Variants in HOXA7 observed in about 807,000 individuals in gnomAD.
HOXA7 encodes homeobox A7.
A neutral mutation model predicts 16.8 loss-of-function variants in HOXA7; 16 were observed. The ratio of observed to expected loss-of-function variants is 0.95; its 90% CI spans 0.64 to 1.44. The LOEUF (loss-of-function observed/expected upper bound fraction) is 1.44, where lower values mean the gene tolerates loss of function less well. Among genes scored for constraint, HOXA7 ranks in the 40% most tolerant of loss-of-function variants. The pLI is 0.00. For missense variants in HOXA7, 379 were observed against 328.6 expected (o/e 1.15, Z -1.19); for synonymous variants, 169 against 144.3 (o/e 1.17, Z -1.23).
Position 27,154,654 on chromosome 7 carries a change from GT to G in HOXA7, c.*254del. ...GGCCGGCTGGCCTGGGGTTGGGGGTGTCTTTTGGGGTCCTCGGAGGCAGAGG... is the reference window on the plus strand; with the variant it reads ...GGCCGGCTGGCCTGGGGTTGGGGGTGCTTTTGGGGTCCTCGGAGGCAGAGG... On this transcript the variant is annotated 3_prime_UTR_variant, in exon 2 of 2. Transcript: ENST00000242159. 1.8e-6 allele frequency: 1 copy of G among 544,460 alleles called. No homozygotes were observed. The highest frequency in any genetic ancestry group is 2.6e-5 in the South Asian group (1 of 38,790). The allele number at this position is 544,460 out of a possible 1,614,324, so 33.7% of individuals were successfully genotyped here.
chr7:27,155,366 TAGGGGAGG>T, intron 1 of HOXA7, 144 bp from the exon 2 acceptor site: 3 of 750,504 alleles, frequency 4.0e-6, no homozygotes, highest in Non-Finnish European at 6.6e-6. Context: ...CGAACTGAGC[TAGGGGAGG>T]AGGGGGAGTG....
rs1450063802 is a variant in HOXA7 at position 27,154,790 on chromosome 7, T to C, written c.*119A>G. Reference sequence around the variant, plus strand: ...GGTTGGGGACTGGGTTGCTTTTTTGTTTTTGTTTTTGTTTTTTACATTTTC... The same window carrying C: ...GGTTGGGGACTGGGTTGCTTTTTTGCTTTTGTTTTTGTTTTTTACATTTTC... On this transcript the variant is annotated 3_prime_UTR_variant, in exon 2 of 2. Coordinates refer to ENST00000242159, the MANE Select transcript of HOXA7 (RefSeq NM_006896.4). 6.4e-6 allele frequency: 9 copies of C among 1,415,464 alleles called. No homozygotes were observed. The highest frequency in any genetic ancestry group is 1.5e-5 in the African/African-American group (1 of 68,926). 87.7% of individuals were successfully genotyped at this position (1,415,464 alleles called of 1,614,324 possible).
Position 27,155,022 on chromosome 7 carries a change from G to C in HOXA7, c.580C>G (p.Pro194Ala), listed in dbSNP as rs1783080273. 1.1e-5 allele frequency: 18 copies of C among 1,614,076 alleles called. No individual in the cohort carries two copies. The highest frequency in any genetic ancestry group is 1.5e-5 in the Non-Finnish European group (18 of 1,180,028). The part of the protein sequence containing the change: ...KWKKEHKDEG[P>A]TAAAAPEGAV... ...CCCTCGGGAGCTGCGGCGGCAGTCG[G>C]ACCTTCGTCCTTATGCTCTTTCTTC... The change falls in exon 2 of 2, where the codon CCG becomes GCG. Residue 194 changes from proline to alanine, a missense_variant. Transcript: ENST00000242159.
chr7:27,156,605 G>A lies in HOXA7; in HGVS notation c.-60C>T, dbSNP rs917821368. The stretch of plus-strand genomic sequence containing the variant: ...CAGTGTCGGTTTTACGAGGTAGAGT[G>A]ATATATGATAACATTACACCCCCAG... On this transcript the variant is annotated 5_prime_UTR_variant, in exon 1 of 2. Transcript: ENST00000242159. 6.7e-6 allele frequency: 10 copies of A among 1,502,150 alleles called. No individual in the cohort carries two copies. In the African/African-American group the frequency reaches 1.4e-4, roughly 21 times the overall value. 93.1% of individuals were successfully genotyped at this position (1,502,150 alleles called of 1,614,324 possible). A position where few individuals can be genotyped will look rare whatever the true frequency, so the allele number is the denominator to read the frequency against.
rs767070687 is a variant in HOXA7, at chr7:27,156,512, TA to T, written c.33del (p.Phe11LeufsTer145). ...AGAGAAGCCCCCGCCGTATATTTGC[TA>T]AAAAGCGCGTTCACATAATACGAAG... is the stretch of plus-strand genomic sequence containing the variant. MSSSYYVNALFSKYTAGASLF... is the reference protein window; with the variant it reads MSSSYYVNALXSKYTAGASLF... On this transcript the variant is annotated frameshift_variant, in exon 1 of 2. Transcript: ENST00000242159. LOFTEE classifies it high-confidence loss of function. 6.3e-7 allele frequency: 1 copy of T among 1,586,282 alleles called. No homozygotes were observed. Among genetic ancestry groups the T allele is most frequent in the Non-Finnish European group, 8.6e-7 (1 of 1,164,086 alleles).
In HOXA7 at chr7:27,155,466, C is replaced by G. The variant is rs17472091; in HGVS notation, c.380-244G>C. On this transcript the variant is annotated intron_variant, in intron 1 of 1. Transcript: ENST00000242159. ...AGGCACAGAATCTCAACTTTACAAC[C>G]GACCTTTCCAGCCGGCTAAGCTTCC... 2,233 of 535,036 alleles carry G rather than the reference C, an allele frequency of 4.2e-3. 39 individuals carry two copies. Among genetic ancestry groups the G allele is most frequent in the African/African-American group, 0.038 (2,028 of 53,380 alleles). 33.1% of individuals were successfully genotyped at this position (535,036 alleles called of 1,614,324 possible). A position where few individuals can be genotyped will look rare whatever the true frequency, so the allele number is the denominator to read the frequency against.
rs1330166814 is a variant in HOXA7, at chr7:27,155,185, G to C, written c.417C>G (p.Arg139=). ...DRKRGRQTYT[R]YQTLELEKEF... ...CCTTCTCCAGCTCCAGCGTCTGGTA[G>C]CGCGTGTAGGTCTGGCGGCCCCGCT... Residue 139 remains arginine (R), a synonymous_variant, in exon 2 of 2, where the codon CGC becomes CGG. Coordinates refer to ENST00000242159, the MANE Select transcript of HOXA7 (RefSeq NM_006896.4). The C allele has an allele frequency of 6.2e-7, 1 of 1,614,272 alleles. No individual in the cohort carries two copies. Among genetic ancestry groups the C allele is most frequent in the South Asian group, 1.1e-5 (1 of 91,090 alleles).
In HOXA7 at chr7:27,156,148, G is replaced by A. The variant is rs375834510; in HGVS notation, c.379+19C>T. The A allele has an allele frequency of 3.8e-3, 5,631 of 1,479,184 alleles. 12 individuals carry two copies. Among genetic ancestry groups the A allele is most frequent in the Non-Finnish European group, 4.6e-3 (5,077 of 1,115,206 alleles). 91.6% of individuals were successfully genotyped at this position (1,479,184 alleles called of 1,614,324 possible). On this transcript the variant is annotated intron_variant, in intron 1 of 1. Transcript: ENST00000242159. ...CGGTCCCGCTCCGCCAGCCTGGCCC[G>A]CCTAGCGACTGCGCCTACCTGAAGA... is the stretch of plus-strand genomic sequence containing the variant.
In HOXA7 at chr7:27,156,243, G is replaced by T. The variant is rs377596605; in HGVS notation, c.303C>A (p.Cys101Ter). The T allele has an allele frequency of 2.5e-6, 4 of 1,608,678 alleles. No homozygotes were observed. Among genetic ancestry groups the T allele is most frequent in the Non-Finnish European group, 3.4e-6 (4 of 1,177,524 alleles). Residue 101 changes from cysteine (C) to a stop codon, truncating the protein, a stop_gained, in exon 1 of 2, where the codon TGC becomes TGA. Coordinates refer to ENST00000242159, the MANE Select transcript of HOXA7 (RefSeq NM_006896.4). LOFTEE classifies it high-confidence loss of function. Reference protein sequence around the residue: ...GLCSDLAKGACDKTDEGALHG... With the variant: ...GLCSDLAKGA The stretch of plus-strand genomic sequence containing the variant: ...GCAGCGCGCCCTCGTCCGTCTTGTC[G>T]CAGGCGCCTTTGGCGAGGTCACTGC...
rs1583420062 is a variant in HOXA7 at position 27,154,542 on chromosome 7, G to T, written c.*367C>A. 4.7e-6 allele frequency: 1 copy of T among 212,434 alleles called. No individual in the cohort carries two copies. The highest frequency in any genetic ancestry group is 1.0e-4 in the East Asian group (1 of 9,780). 13.2% of individuals were successfully genotyped at this position (212,434 alleles called of 1,614,324 possible). ...TACATAGGGACTTCCTGGGAATGGA[G>T]GCCCTCTGGGGCTGGATACATAGGT... On this transcript the variant is annotated 3_prime_UTR_variant, in exon 2 of 2. Transcript: ENST00000242159.
rs1783080273 is a variant in HOXA7, at chr7:27,155,022, G to A, written c.580C>T (p.Pro194Ser). Residue 194 changes from proline (P) to serine (S), a missense_variant, in exon 2 of 2, where the codon CCG (proline) becomes TCG (serine). Physicochemically the swap from Pro to Ser is moderately conservative, Grantham distance 74. Transcript: ENST00000242159. ...KWKKEHKDEG[P>S]TAAAAPEGAV... ...CCCTCGGGAGCTGCGGCGGCAGTCG[G>A]ACCTTCGTCCTTATGCTCTTTCTTC... The A allele has an allele frequency of 1.9e-6, 3 of 1,614,194 alleles. No homozygotes were observed. The highest frequency in any genetic ancestry group is 1.1e-5 in the South Asian group (1 of 91,086).
At chr7:27,155,396 C>A (rs1243991413) in intron 1 of HOXA7, 174 bp from the exon 2 acceptor site, 2 of 634,464 alleles carry the variant, frequency 3.2e-6, no homozygotes, top group Non-Finnish European at 2.7e-6. Flanking sequence ...TAGGGAAAGA[C>A]CCCAACTGCA....
intron 1 of HOXA7, 159 bp downstream of exon 1, chr7:27,156,008 A>T: frequency 2.3e-6 from 2 of 877,452 alleles, no homozygotes; most frequent in East Asian, 6.3e-5. Flanking sequence ...GCTCCAATTA[A>T]AACCAGAAAG....
rs1471143376 is a variant in HOXA7 at position 27,156,094 on chromosome 7, GCGCTCCCCAGCGCTGCGCTCCC to G, written c.379+51_379+72del. 5.1e-6 allele frequency: 7 copies of G among 1,372,692 alleles called. No individual in the cohort carries two copies. The African/African-American group carries it at 6.1e-5, about 12-fold the overall frequency. The allele number at this position is 1,372,692 out of a possible 1,614,324, so 85.0% of individuals were successfully genotyped here. A position where few individuals can be genotyped will look rare whatever the true frequency, so the allele number is the denominator to read the frequency against. On this transcript the variant is annotated intron_variant, in intron 1 of 1. Transcript: ENST00000242159. ...CTTCCGGCCCCGCGCCCCGCGCTCC[GCGCTCCCCAGCGCTGCGCTCCC>G]CGCTCCCGGTCCCGCTCCGCCAGCC... is the stretch of plus-strand genomic sequence containing the variant.
At chr7:27,155,851 C>T (rs1783096525) in intron 1 of HOXA7, 1 of 276,714 alleles carries the variant, frequency 3.6e-6, no homozygotes, top group Admixed American at 5.2e-5. Flanking sequence ...GAAAGAGAGA[C>T]AGAATAGCGA....
rs766259696 is a variant in HOXA7, at chr7:27,156,313, C to T, written c.233G>A (p.Gly78Asp). ...SGYGLGADAY[G>D]NLPCASYDQN... ...GTCGTAGGAGGCGCAGGGCAGGTTG[C>T]CGTAGGCGTCGGCGCCCAGGCCGTA... is the stretch of plus-strand genomic sequence containing the variant. The change falls in exon 1 of 2, where the codon GGC becomes GAC. Residue 78 changes from glycine (G) to aspartate (D), a missense_variant. Coordinates refer to ENST00000242159, the MANE Select transcript of HOXA7 (RefSeq NM_006896.4). The T allele has an allele frequency of 3.1e-6, 5 of 1,613,928 alleles. No homozygotes were observed. Among genetic ancestry groups the T allele is most frequent in the Non-Finnish European group, 4.2e-6 (5 of 1,179,970 alleles).
Position 27,154,744 on chromosome 7 carries a change from G to T in HOXA7, c.*165C>A. ...ACAAAAGTTGGGAGCTGGAGTAGGTGATGGGGGTGGGTAGAGTGCAGGTTG... is the reference window on the plus strand; with the variant it reads ...ACAAAAGTTGGGAGCTGGAGTAGGTTATGGGGGTGGGTAGAGTGCAGGTTG... On this transcript the variant is annotated 3_prime_UTR_variant, in exon 2 of 2. Coordinates refer to ENST00000242159, the MANE Select transcript of HOXA7 (RefSeq NM_006896.4). 1 of 1,003,854 alleles carries T rather than the reference G, an allele frequency of 1.0e-6. No homozygotes were observed. Among genetic ancestry groups the T allele is most frequent in the Non-Finnish European group, 1.4e-6 (1 of 710,486 alleles). The allele number at this position is 1,003,854 out of a possible 1,614,324, so 62.2% of individuals were successfully genotyped here. A position where few individuals can be genotyped will look rare whatever the true frequency, so the allele number is the denominator to read the frequency against.
Position 27,155,118 on chromosome 7 carries a change from C to G in HOXA7, c.484G>C (p.Glu162Gln). 6.2e-7 allele frequency: 1 copy of G among 1,614,282 alleles called. No individual in the cohort carries two copies. Among genetic ancestry groups the G allele is most frequent in the South Asian group, 1.1e-5 (1 of 91,088 alleles). The change falls in exon 2 of 2, where the codon GAA (glutamate) becomes CAA (glutamine). Residue 162 changes from glutamate to glutamine, a missense_variant. Physicochemically the swap from Glu to Gln is conservative, Grantham distance 29 (BLOSUM62 2). Transcript: ENST00000242159. ...NRYLTRRRRI[E>Q]IAHALCLTER... ...GTGAGGCAGAGCGCGTGGGCGATTT[C>G]AATGCGGCGGCGCCGCGTCAGGTAG...
rs764129277 is a variant in HOXA7 at position 27,154,887 on chromosome 7, G to A, written c.*22C>T. The A allele has an allele frequency of 3.6e-5, 58 of 1,596,370 alleles. No homozygotes were observed. The African/African-American group carries it at 6.7e-4, about 19-fold the overall frequency. The stretch of plus-strand genomic sequence containing the variant: ...GACGCTTTTCCGACTGTCCGGTGCA[G>A]AGAGGGCCCCGGATCGGCCCCTCAT... On this transcript the variant is annotated 3_prime_UTR_variant, in exon 2 of 2. Coordinates refer to ENST00000242159, the MANE Select transcript of HOXA7 (RefSeq NM_006896.4).
Sources: gnomAD v4.1 joint callset for allele counts on GRCh38, gnomAD v4.1.1 for gene constraint, MANE v1.5 for transcripts, NCBI Gene and HGNC (gene_info 2026-07-23, HGNC 2026-07-21) for gene names.